Variants in PKHD1 observed in about 807,000 individuals in gnomAD.
The protein encoded by PKHD1 is fibrocystin.
PKHD1 carries 291 observed loss-of-function variants against 412.0 expected under a neutral mutation model. That is an observed-to-expected ratio of 0.71 (90% confidence interval 0.64 to 0.78). PKHD1 has a LOEUF of 0.78. Among genes scored for constraint, PKHD1 ranks in the 30% least tolerant of loss-of-function variants. The pLI is 0.00. For missense variants in PKHD1, 4,825 were observed against 4,950.7 expected, an observed-to-expected ratio of 0.97 and a Z score of 0.76; for synonymous variants, 1,777 against 1,821.5, an observed-to-expected ratio of 0.98 and a Z score of 0.62.
intron 48 of PKHD1, among the ~76,000 whole-genome samples, 160 bp from the exon 49 acceptor site, chr6:51,856,230 CTG>C (rs1275300444): frequency 6.6e-6 from 1 of 152,236 alleles, no homozygotes; most frequent in African/African-American, 2.4e-5. Context: ...TTAGCAGTCA[CTG>C]TGTGAGTGAA....
Position 52,025,311 on chromosome 6 carries a change from G to T in PKHD1, c.4499C>A (p.Thr1500Asn). The part of the protein sequence containing the change: ...ALSTNTSGSL[T>N]TVLIRGQRLA... ...CCTCTGACCCCTAATCAGCACAGTG[G>T]TCAGAGACCCACTGGTGTTTGTGGA... The change falls in exon 32 of 67, where the codon ACC (threonine) becomes AAC (asparagine). Residue 1500 changes from threonine (T) to asparagine (N), a missense_variant. Transcript: ENST00000371117. 4.3e-6 allele frequency: 7 copies of T among 1,614,072 alleles called. No homozygotes were observed. Among genetic ancestry groups the T allele is most frequent in the Non-Finnish European group, 5.9e-6 (7 of 1,180,022 alleles).
At position 51,659,169 on chromosome 6, in the gene PKHD1, T is replaced by A. The variant is rs373185996; in HGVS notation, c.10957A>T (p.Met3653Leu). ...EMNSHRASPPMTVETISKVIV... is the reference protein window; with the variant it reads ...EMNSHRASPPLTVETISKVIV... ...ACTTTTGAGATAGTTTCCACAGTCATTGGGGGTGAAGCCCTATGTGAGTTC... is the reference window on the plus strand; with the variant it reads ...ACTTTTGAGATAGTTTCCACAGTCAATGGGGGTGAAGCCCTATGTGAGTTC... Residue 3653 changes from methionine to leucine, a missense_variant, in exon 61 of 67, where the codon ATG becomes TTG. Met to Leu is a conservative substitution (Grantham distance 15, BLOSUM62 2). Transcript: ENST00000371117. 1 of 1,613,838 alleles carries A rather than the reference T, an allele frequency of 6.2e-7. No homozygotes were observed. Among genetic ancestry groups the A allele is most frequent in the Non-Finnish European group, 8.5e-7 (1 of 1,179,866 alleles).
At chr6:51,753,379 A>T in intron 56 of PKHD1, 26 bp from the exon 57 acceptor site, 1 of 1,604,146 alleles carries the variant, frequency 6.2e-7, no homozygotes, top group African/African-American at 1.3e-5. Context: ...TTGTGGGAAA[A>T]AAAAACTTTA....
chr6:51,900,604 G>A (rs1031246931), intron 43 of PKHD1, among the ~76,000 whole-genome samples: 2 of 152,066 alleles, frequency 1.3e-5, no homozygotes, highest in Admixed American at 6.5e-5. Flanking sequence ...TCAGGACATA[G>A]GCATGGGCAA....
intron 61 of PKHD1, among the ~76,000 whole-genome samples, chr6:51,658,000 G>A (rs181461382): frequency 2.0e-5 from 3 of 151,844 alleles, no homozygotes. Flanking sequence ...GAACTCAGTG[G>A]GATCTAAATA....
chr6:51,754,597 C>A (rs1786657239), intron 56 of PKHD1, among the ~76,000 whole-genome samples, 187 bp downstream of exon 56: 1 of 152,064 alleles, frequency 6.6e-6, no homozygotes, highest in African/African-American at 2.4e-5. Context: ...TCCAAGTATT[C>A]TTTAAAAATA....
intron 10 of PKHD1, among the ~76,000 whole-genome samples, 157 bp from the exon 11 acceptor site, chr6:52,069,684 A>T (rs1336935907): frequency 1.3e-5 from 2 of 152,228 alleles, no homozygotes; most frequent in African/African-American, 4.8e-5. Flanking sequence ...AACAATACCA[A>T]CAGGACAAAG....
chr6:51,869,651 T>C, intron 47 of PKHD1, among the ~76,000 whole-genome samples: 1 of 152,062 alleles, frequency 6.6e-6, no homozygotes, highest in East Asian at 1.9e-4. Context: ...TATGAAATAG[T>C]CAAGATATTA....
chr6:51,625,880 G>C (rs1581726894), intron 66 of PKHD1, among the ~76,000 whole-genome samples: 1 of 152,114 alleles, frequency 6.6e-6, no homozygotes, highest in African/African-American at 2.4e-5. Flanking sequence ...AATAATCTTA[G>C]ATGGAATCTT....
intron 19 of PKHD1, among the ~76,000 whole-genome samples, chr6:52,054,571 C>T (rs775485763): frequency 6.6e-6 from 1 of 152,170 alleles, no homozygotes; most frequent in African/African-American, 2.4e-5. Context: ...TCCCCAGCAT[C>T]CTTGGTTTCT....
rs143322944 is a variant in PKHD1 at position 52,024,958 on chromosome 6, T to C, written c.4852A>G (p.Ile1618Val). Residue 1618 changes from isoleucine to valine, a missense_variant, in exon 32 of 67, where the codon ATC (isoleucine) becomes GTC (valine). Transcript: ENST00000371117. ...ATGCACCGGATGAGCTCAGCACCGA[T>C]GTTCACCGTCAGGCAGGTCTGCTGG... ...IDQQTCLTVN[I>V]GAELIRCIVP... The C allele has an allele frequency of 5.0e-6, 8 of 1,614,074 alleles. No homozygotes were observed. Among genetic ancestry groups the C allele is most frequent in the African/African-American group, 1.3e-5 (1 of 74,936 alleles).
intron 36 of PKHD1, among the ~76,000 whole-genome samples, chr6:51,939,096 G>T (rs868137168): frequency 1.3e-5 from 2 of 151,512 alleles, no homozygotes; most frequent in Non-Finnish European, 3.0e-5. Context: ...GTCTGACCAC[G>T]TGGGGATGCC....
chr6:52,061,635 G>A (rs1378182810), intron 14 of PKHD1, among the ~76,000 whole-genome samples: 1 of 151,306 alleles, frequency 6.6e-6, no homozygotes, highest in Non-Finnish European at 1.5e-5. Context: ...TTAGATTGGT[G>A]CAAAAGTAAT....
chr6:51,676,258 A>AC (rs1183239052), intron 60 of PKHD1, among the ~76,000 whole-genome samples: 1 of 151,278 alleles, frequency 6.6e-6, no homozygotes, highest in Non-Finnish European at 1.5e-5. Flanking sequence ...AAAAGAAAAA[A>AC]AAAAACTTCT....
intron 6 of PKHD1, among the ~76,000 whole-genome samples, chr6:52,075,046 C>T (rs1811160491): frequency 6.6e-6 from 1 of 152,228 alleles, no homozygotes; most frequent in Non-Finnish European, 1.5e-5. Flanking sequence ...CTGCCATCTA[C>T]ACAGGAGTTT....
chr6:51,714,735 A>G (rs1049089008), intron 60 of PKHD1, among the ~76,000 whole-genome samples: 1 of 152,168 alleles, frequency 6.6e-6, no homozygotes, highest in Non-Finnish European at 1.5e-5. Context: ...ATACACAGGC[A>G]GAGCCAGAAC....
intron 60 of PKHD1, among the ~76,000 whole-genome samples, chr6:51,711,964 T>C (rs1398826043): frequency 1.3e-5 from 2 of 152,152 alleles, no homozygotes; most frequent in Admixed American, 6.5e-5. Context: ...GCCAAAAAAA[T>C]TGTACTAGGA....
In PKHD1 at chr6:52,071,060, G is replaced by C; in HGVS notation, c.613C>G (p.Gln205Glu). Residue 205 changes from glutamine to glutamate, a missense_variant, in exon 9 of 67, where the codon CAG becomes GAG. By Grantham distance (29) the Gln-to-Glu change is conservative. Coordinates refer to ENST00000371117, the MANE Select transcript of PKHD1 (RefSeq NM_138694.4). Reference protein sequence around the residue: ...NRQMGSCYPIQEDHGLGTLQC... With the variant: ...NRQMGSCYPIEEDHGLGTLQC... ...AGAGTCCCAAGACCATGGTCCTCCT[G>C]AATAGGATAACTAAGGAAAAGACAA... 6.2e-7 allele frequency: 1 copy of C among 1,601,058 alleles called. No homozygotes were observed.
Position 51,678,788 on chromosome 6 carries a change from C to A in PKHD1, c.10157-18819G>T, listed in dbSNP as rs113029218. ...AATATTCGCCATCATCACCCTACACCTTCTCTCTACCTTCTTACTTTTTAA... is the reference window on the plus strand; with the variant it reads ...AATATTCGCCATCATCACCCTACACATTCTCTCTACCTTCTTACTTTTTAA... On this transcript the variant is annotated intron_variant, in intron 60 of 66. Coordinates refer to ENST00000371117, the MANE Select transcript of PKHD1 (RefSeq NM_138694.4). Among the ~76,000 whole-genome samples the A allele has an allele frequency of 7.6e-3, 1,149 of 152,040 alleles. 14 individuals are homozygous for A. The highest frequency in any genetic ancestry group is 0.027 in the African/African-American group (1,100 of 41,484).
Sources: gnomAD v4.1 joint callset for allele counts (sites outside exome capture counted in the v4.1 genomes callset) on GRCh38, gnomAD v4.1.1 for gene constraint, MANE v1.5 for transcripts, NCBI Gene and HGNC (gene_info 2026-07-23, HGNC 2026-07-21) for gene names.